Variants in GSE1 observed in about 807,000 individuals in gnomAD.
GSE1 encodes Gse1 coiled-coil protein, also known as genetic suppressor element 1.
In GSE1, 32 loss-of-function variants were observed where a neutral mutation model predicts 112.6. That is an observed-to-expected ratio of 0.28 (90% CI 0.21 to 0.38). The LOEUF is 0.38. GSE1 is among the 10% of genes least tolerant of loss of function. The pLI is 1.00. For synonymous variants in GSE1, 1,115 were observed against 735.6 expected, an observed-to-expected ratio of 1.52 and a Z score of -8.35; for missense variants, 2,348 against 1,699.2, an observed-to-expected ratio of 1.38 and a Z score of -6.71.
At chr16:85,318,991 C>T (rs191116445) in intron 1 of GSE1, among the ~76,000 whole-genome samples, 12 of 152,152 alleles carry the variant, frequency 7.9e-5, no homozygotes, top group African/African-American at 2.4e-4. Context: ...CTAAGAATGG[C>T]GCATCACCTG....
chr16:85,420,946 G>A (rs1169578541), intron 2 of GSE1, among the ~76,000 whole-genome samples: 1 of 152,146 alleles, frequency 6.6e-6, no homozygotes, highest in Non-Finnish European at 1.5e-5. Context: ...CAGGGGGCGC[G>A]CTGCAGTCGG....
chr16:85,466,708 AGAGAGG>A (rs56403698), intron 2 of GSE1, among the ~76,000 whole-genome samples: 30,040 of 138,510 alleles, frequency 0.22, 4,037 homozygotes, highest in African/African-American at 0.41. Flanking sequence ...ATATAGAGAG[AGAGAGG>A]GAGAGAGGGA....
At chr16:85,544,188 C>G (rs1178877229) in intron 2 of GSE1, among the ~76,000 whole-genome samples, 1 of 152,096 alleles carries the variant, frequency 6.6e-6, no homozygotes, top group Non-Finnish European at 1.5e-5. Flanking sequence ...TCTCGTGGGT[C>G]GAGGCCGGGG....
intron 2 of GSE1, among the ~76,000 whole-genome samples, chr16:85,549,200 G>A (rs1598141887): frequency 1.3e-5 from 2 of 150,950 alleles, no homozygotes; most frequent in African/African-American, 4.9e-5. Flanking sequence ...TTGAGACAGG[G>A]TCTTTGCTCT....
chr16:85,641,127 G>T (rs753276087), intron 2 of GSE1, among the ~76,000 whole-genome samples: 2 of 152,162 alleles, frequency 1.3e-5, no homozygotes, highest in South Asian at 2.1e-4. Context: ...ATTTTTTTCC[G>T]GTTTTCCCTG....
intron 2 of GSE1, among the ~76,000 whole-genome samples, chr16:85,482,977 C>CAAAAAAAAAAAAA (rs3054201): frequency 2.3e-4 from 11 of 48,288 alleles, no homozygotes; most frequent in African/African-American, 7.1e-4. Flanking sequence ...GACTCCGTCT[C>CAAAAAAAAAAAAA]AAAAAAAAAA....
At chr16:85,235,644 C>G (rs1316661609) in intron 1 of GSE1, among the ~76,000 whole-genome samples, 1 of 151,702 alleles carries the variant, frequency 6.6e-6, no homozygotes, top group African/African-American at 2.4e-5. Flanking sequence ...TCCTCGTCCC[C>G]CCTCCTCCCC....
chr16:85,536,733 G>A (rs1490367020), intron 2 of GSE1, among the ~76,000 whole-genome samples: 1 of 152,228 alleles, frequency 6.6e-6, no homozygotes, highest in Non-Finnish European at 1.5e-5. Flanking sequence ...CCATGTCACT[G>A]TTCCCGTCTC....
At chr16:85,592,944 CCT>C (rs2151440597) in intron 1 of GSE1, 1 of 152,504 alleles carries the variant, frequency 6.6e-6, no homozygotes, top group Non-Finnish European at 1.5e-5. Context: ...CTCATGGCTG[CCT>C]CTCTCTCCAG....
At chr16:85,269,281 C>T (rs1253317534) in intron 1 of GSE1, among the ~76,000 whole-genome samples, 2 of 149,504 alleles carry the variant, frequency 1.3e-5, no homozygotes, top group Admixed American at 1.3e-4. Flanking sequence ...GAGCATCCCA[C>T]GTCCTTCCCC....
At chr16:85,476,711 C>G (rs889247385) in intron 2 of GSE1, among the ~76,000 whole-genome samples, 1 of 151,412 alleles carries the variant, frequency 6.6e-6, no homozygotes, top group Admixed American at 6.6e-5. Flanking sequence ...ACAGCTCAGT[C>G]GATCTTCCCA....
At chr16:85,368,881 C>T (rs1445626696) in intron 2 of GSE1, among the ~76,000 whole-genome samples, 5 of 152,070 alleles carry the variant, frequency 3.3e-5, no homozygotes, top group Non-Finnish European at 5.9e-5. Context: ...AGGGCATGGA[C>T]GGCTCTGGGA....
intron 2 of GSE1, among the ~76,000 whole-genome samples, chr16:85,365,590 A>G (rs1281172876): frequency 1.3e-5 from 2 of 152,224 alleles, no homozygotes; most frequent in East Asian, 3.8e-4. Flanking sequence ...CACATTCAGT[A>G]GATGGAACCA....
At chr16:85,432,156 T>C (rs777238867) in intron 2 of GSE1, among the ~76,000 whole-genome samples, 16 of 152,242 alleles carry the variant, frequency 1.1e-4, no homozygotes, top group Non-Finnish European at 2.2e-4. Flanking sequence ...ATAAAGCCCT[T>C]AGAGTGTCAT....
chr16:85,375,059 ATC>A lies in GSE1; in HGVS notation c.2464+17422_2464+17423del, dbSNP rs567449875. ...CTGTGTGACCTGGATGAGCCACCTA[ATC>A]TCTCTGCACTGCTGCCGGCCATCAA... On this transcript the variant is annotated intron_variant, in intron 2 of 2. Transcript: ENST00000637419. Among the ~76,000 whole-genome samples, 20 of 152,170 alleles carry A rather than the reference ATC, an allele frequency of 1.3e-4. No individual in the cohort carries two copies. The South Asian group carries it at 2.7e-3, about 21-fold the overall frequency.
At chr16:85,483,481 C>G (rs117902284) in intron 2 of GSE1, among the ~76,000 whole-genome samples, 1 of 152,256 alleles carries the variant, frequency 6.6e-6, no homozygotes, top group African/African-American at 2.4e-5. Context: ...GTCTAGTTCC[C>G]GTGGCCCAGC....
At chr16:85,370,591 C>G (rs568805929) in intron 2 of GSE1, among the ~76,000 whole-genome samples, 2 of 152,080 alleles carry the variant, frequency 1.3e-5, no homozygotes, top group African/African-American at 4.8e-5. Context: ...CCTTTCCCCT[C>G]CCTCTTCTCT....
chr16:85,349,864 T>C lies in GSE1; in HGVS notation c.2284-7599T>C, dbSNP rs375385042. Reference sequence around the variant, plus strand: ...CATTCACCAGCAGCACAAACCTACTTGCCCCAGAGTGCGGCCTGGGTTGCT... The same window carrying C: ...CATTCACCAGCAGCACAAACCTACTCGCCCCAGAGTGCGGCCTGGGTTGCT... On this transcript the variant is annotated intron_variant, in intron 1 of 2. Coordinates refer to the GSE1 transcript ENST00000637419. Among the ~76,000 whole-genome samples the C allele has an allele frequency of 2.1e-4, 32 of 152,278 alleles. No homozygotes were observed. In the South Asian group the frequency reaches 6.0e-3, roughly 29 times the overall value.
At chr16:85,624,067 C>T (rs928528300) in intron 1 of GSE1, among the ~76,000 whole-genome samples, 1 of 152,210 alleles carries the variant, frequency 6.6e-6, no homozygotes, top group African/African-American at 2.4e-5. Context: ...AGGAGAGGGG[C>T]CTGCATTTCG....
Sources: gnomAD v4.1 joint callset for allele counts (sites outside exome capture counted in the v4.1 genomes callset) on GRCh38, gnomAD v4.1.1 for gene constraint, MANE v1.5 for transcripts, NCBI Gene and HGNC (gene_info 2026-07-23, HGNC 2026-07-21) for gene names.